The following ANOS1 variants were observed in gnomAD, a reference collection of about 807,000 sequenced individuals.
ANOS1 encodes the protein anosmin-1.
Under a neutral mutation model 59.0 loss-of-function variants are expected in ANOS1, and 6 were observed. The observed-to-expected ratio is 0.10, with a 90% confidence interval of 0.06 to 0.20. The LOEUF (loss-of-function observed/expected upper bound fraction) is 0.20, where lower values mean the gene tolerates loss of function less well. ANOS1 is among the 10% of genes least tolerant of loss of function. The pLI is 1.00. For synonymous variants in ANOS1, 217 were observed against 223.4 expected, an observed-to-expected ratio of 0.97 and a Z score of 0.25; for missense variants, 433 against 542.3, an observed-to-expected ratio of 0.80 and a Z score of 2.00.
intron 1 of ANOS1, among the ~76,000 whole-genome samples, chrX:8,719,193 C>A (rs1049974498): frequency 8.9e-6 from 1 of 111,905 alleles, no homozygotes; most frequent in African/African-American, 3.3e-5. Flanking sequence ...TTTAGGCTTA[C>A]AGGTTTTGGT....
In ANOS1 at chrX:8,629,886, T is replaced by C. The variant is rs1931458784; in HGVS notation, c.256-6216A>G. On this transcript the variant is annotated intron_variant, in intron 2 of 13. Coordinates refer to ENST00000262648, the MANE Select transcript of ANOS1 (RefSeq NM_000216.4). ...GAACTCGTGATCAGATTATGCTAAA[T>C]GAATAGAACCCATGCTAAAACAAAG... 2.7e-5 allele frequency among the ~76,000 whole-genome samples: 3 copies of C among 112,559 alleles called. No individual in the cohort carries two copies. The Admixed American group carries it at 2.8e-4, about 11-fold the overall frequency.
chrX:8,686,403 G>GA (rs1261340512), intron 2 of ANOS1, among the ~76,000 whole-genome samples: 7 of 104,008 alleles, frequency 6.7e-5, no homozygotes, highest in African/African-American at 1.1e-4. Flanking sequence ...TTAAGTGAGT[G>GA]AAAAAAAAAT....
At chrX:8,567,070 G>T (rs1930127510) in intron 8 of ANOS1, among the ~76,000 whole-genome samples, 1 of 111,892 alleles carries the variant, frequency 8.9e-6, no homozygotes, top group African/African-American at 3.2e-5. Context: ...ATTTGTCCCA[G>T]TTTCCTGAAA....
intron 8 of ANOS1, among the ~76,000 whole-genome samples, chrX:8,563,686 A>G (rs1483542733): frequency 8.9e-6 from 1 of 112,415 alleles, no homozygotes; most frequent in Non-Finnish European, 1.9e-5. Context: ...AGCTGGTTGA[A>G]TGGAAAGACA....
chrX:8,603,807 G>T (rs779608679), intron 3 of ANOS1, among the ~76,000 whole-genome samples: 4 of 112,017 alleles, frequency 3.6e-5, no homozygotes, highest in Non-Finnish European at 5.6e-5. Context: ...GTCAGGGAAT[G>T]GGGGGCTTCG....
intron 1 of ANOS1, among the ~76,000 whole-genome samples, chrX:8,726,073 T>C (rs768631541): frequency 9.1e-6 from 1 of 110,427 alleles, no homozygotes; most frequent in South Asian, 4.0e-4. Flanking sequence ...AACTGAAAAC[T>C]CAGCACAGAG....
chrX:8,571,799 T>A (rs1160687434), intron 6 of ANOS1, among the ~76,000 whole-genome samples: 1 of 112,188 alleles, frequency 8.9e-6, no homozygotes, highest in Non-Finnish European at 1.9e-5. Context: ...GAGGGTTTCA[T>A]TTCAAGATGC....
intron 8 of ANOS1, among the ~76,000 whole-genome samples, chrX:8,562,290 T>A (rs772535063): frequency 1.5e-3 from 167 of 112,021 alleles, no homozygotes; most frequent in African/African-American, 5.1e-3. Flanking sequence ...TATTTTTATA[T>A]ATCTTAAGAT....
intron 3 of ANOS1, among the ~76,000 whole-genome samples, chrX:8,615,631 C>T (rs182586267): frequency 9.0e-6 from 1 of 111,085 alleles, no homozygotes; most frequent in Non-Finnish European, 1.9e-5. Context: ...GGTCCTTACT[C>T]TCAGCTGGTC....
intron 9 of ANOS1, among the ~76,000 whole-genome samples, chrX:8,541,528 A>T (rs1256635215): frequency 1.0e-5 from 1 of 99,412 alleles, no homozygotes; most frequent in African/African-American, 3.7e-5. Flanking sequence ...GCGTGTGTTC[A>T]ATTCTGAGTC....
chrX:8,538,466 G>T (rs1301917054), intron 10 of ANOS1, among the ~76,000 whole-genome samples: 1 of 111,758 alleles, frequency 8.9e-6, no homozygotes, highest in Non-Finnish European at 1.9e-5. Flanking sequence ...CATTACATCT[G>T]CTCAGCAAAT....
intron 2 of ANOS1, among the ~76,000 whole-genome samples, chrX:8,627,195 AG>A (rs1268444028): frequency 8.9e-6 from 1 of 112,563 alleles, no homozygotes; most frequent in Non-Finnish European, 1.9e-5. Context: ...TCTGAAAATA[AG>A]CATGTGATTT....
intron 6 of ANOS1, among the ~76,000 whole-genome samples, chrX:8,574,377 T>C (rs1015494144): frequency 9.1e-6 from 1 of 110,415 alleles, no homozygotes; most frequent in Non-Finnish European, 1.9e-5. Context: ...CTAACTGTTA[T>C]GGTAAATATT....
intron 1 of ANOS1, among the ~76,000 whole-genome samples, chrX:8,700,550 G>A (rs1244469030): frequency 9.0e-6 from 1 of 111,627 alleles, no homozygotes; most frequent in African/African-American, 3.3e-5. Context: ...CAGATCCCAC[G>A]TGAAAAGCCT....
At chrX:8,602,048 C>T (rs1930852563) in intron 3 of ANOS1, among the ~76,000 whole-genome samples, 1 of 111,849 alleles carries the variant, frequency 8.9e-6, no homozygotes, top group Non-Finnish European at 1.9e-5. Flanking sequence ...CATCTTAGAG[C>T]AGTGTGGATT....
At chrX:8,635,762 T>A (rs1931562729) in intron 2 of ANOS1, among the ~76,000 whole-genome samples, 1 of 112,148 alleles carries the variant, frequency 8.9e-6, no homozygotes, top group Admixed American at 9.5e-5. Flanking sequence ...AATCTGATTA[T>A]AGGACATCTG....
intron 6 of ANOS1, among the ~76,000 whole-genome samples, chrX:8,577,208 A>C (rs759272650): frequency 1.8e-5 from 2 of 111,896 alleles, no homozygotes; most frequent in Non-Finnish European, 3.8e-5. Flanking sequence ...ATACAGCTGC[A>C]TTTTGTCTAT....
chrX:8,636,362 G>A (rs1931573111), intron 2 of ANOS1, among the ~76,000 whole-genome samples: 1 of 111,753 alleles, frequency 8.9e-6, no homozygotes, highest in African/African-American at 3.3e-5. Flanking sequence ...TTGTCCCTGT[G>A]TTAAATCTCA....
intron 1 of ANOS1, among the ~76,000 whole-genome samples, chrX:8,725,452 C>T (rs1266756340): frequency 9.4e-6 from 1 of 106,846 alleles, no homozygotes; most frequent in Non-Finnish European, 1.9e-5. Flanking sequence ...AACACTTGCA[C>T]CAACAATATT....
Sources: gnomAD v4.1 joint callset for allele counts (sites outside exome capture counted in the v4.1 genomes callset) on GRCh38, gnomAD v4.1.1 for gene constraint, MANE v1.5 for transcripts, NCBI Gene and HGNC (gene_info 2026-07-23, HGNC 2026-07-21) for gene names.